The following WDR4 variants were observed in gnomAD, a reference collection of about 807,000 sequenced individuals.
The protein encoded by WDR4 is tRNA (guanine-N(7)-)-methyltransferase non-catalytic subunit WDR4.
WDR4 carries 47 observed loss-of-function variants against 48.6 expected under a neutral mutation model. The ratio of observed to expected loss-of-function variants is 0.97; its 90% CI spans 0.77 to 1.23. The LOEUF is 1.23. Among genes scored for constraint, WDR4 ranks in the 50% most tolerant of loss-of-function variants. WDR4 has a pLI of 0.00. For missense variants in WDR4, 606 were observed against 551.6 expected, an observed-to-expected ratio of 1.10 and a Z score of -0.99; for synonymous variants, 268 against 230.0, an observed-to-expected ratio of 1.17 and a Z score of -1.49.
At chr21:42,857,050 A>G (rs1334064098) in intron 6 of WDR4, among the ~76,000 whole-genome samples, 2 of 152,164 alleles carry the variant, frequency 1.3e-5, no homozygotes, top group Non-Finnish European at 1.5e-5. Context: ...AGGACCTGCC[A>G]AAGACCAAAC....
Position 42,877,009 on chromosome 21 carries a change from G to A in WDR4, c.90-242C>T, listed in dbSNP as rs150856973. On this transcript the variant is annotated intron_variant, in intron 1 of 10. Coordinates refer to ENST00000398208, the MANE Select transcript of WDR4 (RefSeq NM_018669.6). ...AATTTTTACTTTTTGTAGAAACGGG[G>A]TTTCTCCATGTTGATCAGGGTGATC... Among the ~76,000 whole-genome samples, 34 of 151,956 alleles carry A rather than the reference G, an allele frequency of 2.2e-4. No individual in the cohort carries two copies. In the East Asian group the frequency reaches 5.0e-3, roughly 23 times the overall value.
chr21:42,850,068 T>C lies in WDR4; in HGVS notation c.1220A>G (p.Glu407Gly), dbSNP rs761487074. 3.1e-6 allele frequency: 5 copies of C among 1,613,692 alleles called. No individual in the cohort carries two copies. The highest frequency in any genetic ancestry group is 4.2e-6 in the Non-Finnish European group (5 of 1,179,886). ...CCACGATCAGCAACTTAGCGTCGCC[T>C]CCCCCGGTCTCATCTTCTTGGCATG... ...DGHAKKMRPG[E>G]ATLSC The change falls in exon 11 of 11, where the codon GAG becomes GGG. Residue 407 changes from glutamate (E) to glycine (G), a missense_variant. Physicochemically the swap from Glu to Gly is moderately conservative, Grantham distance 98. Transcript: ENST00000398208.
chr21:42,849,344 A>T lies in WDR4; in HGVS notation c.*705T>A, dbSNP rs2057758339. On this transcript the variant is annotated 3_prime_UTR_variant, in exon 11 of 11. Coordinates refer to ENST00000398208, the MANE Select transcript of WDR4 (RefSeq NM_018669.6). ...CCCTGTGGCTCTGCAGTGTGTGCCA[A>T]GGTCAAATCAAATCATAACGACGTC... The T allele has an allele frequency of 6.6e-6, 1 of 152,226 alleles. No individual in the cohort carries two copies. Among genetic ancestry groups the T allele is most frequent in the African/African-American group, 2.4e-5 (1 of 41,410 alleles). 9.4% of individuals were successfully genotyped at this position (152,226 alleles called of 1,614,324 possible). A position where few individuals can be genotyped will look rare whatever the true frequency, so the allele number is the denominator to read the frequency against.
Position 42,862,290 on chromosome 21 carries a change from C to T in WDR4, c.558G>A (p.Gly186=). ...APHSIESFCL[G]HTEFVSRISV... Reference sequence around the variant, plus strand: ...CAGGAAGGGGCACTCACTCTGTGTGCCCCAAGCAGAAGGACTCGATGCTAT... The same window carrying T: ...CAGGAAGGGGCACTCACTCTGTGTGTCCCAAGCAGAAGGACTCGATGCTAT... The change falls in exon 5 of 11, where the codon GGG becomes GGA. Residue 186 remains glycine (G), a synonymous_variant. Coordinates refer to ENST00000398208, the MANE Select transcript of WDR4 (RefSeq NM_018669.6). The surrounding 1 kb of genome is among the most constrained non-coding windows in gnomAD (Gnocchi z 4.3). The T allele has an allele frequency of 1.9e-6, 3 of 1,607,312 alleles. No homozygotes were observed. The highest frequency in any genetic ancestry group is 2.5e-6 in the Non-Finnish European group (3 of 1,177,564).
At chr21:42,847,617 G>A (rs369246478), downstream of WDR4, among the ~76,000 whole-genome samples, 57 of 152,326 alleles carry the variant, frequency 3.7e-4, no homozygotes, top group Middle Eastern at 3.4e-3. Flanking sequence ...CTCTGCAGCC[G>A]TAGCACAAAG....
In WDR4 at chr21:42,879,447, G is replaced by C; in HGVS notation, c.49C>G (p.Arg17Gly). The C allele has an allele frequency of 1.2e-6, 2 of 1,613,536 alleles. No homozygotes were observed. Among genetic ancestry groups the C allele is most frequent in the South Asian group, 2.2e-5 (2 of 91,058 alleles). ...LALCGQTLVV[R>G]GGSRFLATSI... is the part of the protein sequence containing the mutation. ...GTGGCCAGGAATCGGCTGCCGCCCC[G>C]CACCACCAACGTCTGCCCGCACAAC... is the stretch of plus-strand genomic sequence containing the variant. Residue 17 changes from arginine to glycine, a missense_variant, in exon 1 of 11, where the codon CGG becomes GGG. Coordinates refer to ENST00000398208, the MANE Select transcript of WDR4 (RefSeq NM_018669.6).
chr21:42,866,351 C>T (rs1228957281), intron 3 of WDR4, among the ~76,000 whole-genome samples: 3 of 152,186 alleles, frequency 2.0e-5, no homozygotes, highest in Non-Finnish European at 4.4e-5. Context: ...CCAGCAGCAG[C>T]ACAGTAACAA....
rs1356548478 is a variant in WDR4 at position 42,853,582 on chromosome 21, C to T, written c.962G>A (p.Gly321Asp). The change falls in exon 9 of 11, where the codon GGC (glycine) becomes GAC (aspartate). Residue 321 changes from glycine to aspartate, a missense_variant. Physicochemically the swap from Gly to Asp is moderately conservative, Grantham distance 94. Coordinates refer to ENST00000398208, the MANE Select transcript of WDR4 (RefSeq NM_018669.6). ...EAPLVLYRPV[G>D]DQWQSVPEST... ...GCCGAGTCTCACCTGCCACTGGTCG[C>T]CCACAGGCCTGTAGAGCACCAGGGG... 6.2e-7 allele frequency: 1 copy of T among 1,609,994 alleles called. No homozygotes were observed. The highest frequency in any genetic ancestry group is 8.5e-7 in the Non-Finnish European group (1 of 1,178,604).
chr21:42,869,881 T>C (rs1475032495), intron 3 of WDR4, among the ~76,000 whole-genome samples: 2 of 151,404 alleles, frequency 1.3e-5, no homozygotes, highest in African/African-American at 2.4e-5. Flanking sequence ...GTCGTGGTGG[T>C]GCATGCCTGT....
chr21:42,846,390 C>CA (rs2057711590), downstream of WDR4, among the ~76,000 whole-genome samples: 2 of 152,122 alleles, frequency 1.3e-5, no homozygotes, highest in African/African-American at 4.8e-5. Flanking sequence ...GCCAGCATGC[C>CA]TGTGCAGTGC....
the WDR4 span, among the ~76,000 whole-genome samples, chr21:42,886,404 C>T: frequency 2.0e-5 from 3 of 152,046 alleles, no homozygotes; most frequent in Non-Finnish European, 4.4e-5. Flanking sequence ...AAAAAATAGG[C>T]GATTTTGCTA....
upstream of WDR4, chr21:42,883,933 TA>T (rs1226300030): frequency 6.6e-6 from 1 of 152,324 alleles, no homozygotes; most frequent in African/African-American, 2.4e-5. Flanking sequence ...AAATAAATCT[TA>T]AACCCAGTAG....
At chr21:42,872,610 C>CAAA (rs536689165) in intron 3 of WDR4, among the ~76,000 whole-genome samples, 4 of 78,606 alleles carry the variant, frequency 5.1e-5, no homozygotes, top group African/African-American at 1.4e-4. Flanking sequence ...GACCCTTCTC[C>CAAA]AAAAAAAAAA....
At chr21:42,864,550 C>G (rs2058204386) in intron 3 of WDR4, among the ~76,000 whole-genome samples, 1 of 152,162 alleles carries the variant, frequency 6.6e-6, no homozygotes, top group African/African-American at 2.4e-5. Flanking sequence ...GGAGGAAGCT[C>G]GGTTATCCAG....
intron 3 of WDR4, among the ~76,000 whole-genome samples, chr21:42,867,406 A>C (rs1016287814): frequency 6.6e-6 from 1 of 151,846 alleles, no homozygotes; most frequent in Non-Finnish European, 1.5e-5. Flanking sequence ...AAAAAAAAAA[A>C]AAAAAAAGTG....
chr21:42,864,656 G>A (rs1253467872), intron 3 of WDR4, among the ~76,000 whole-genome samples: 2 of 152,148 alleles, frequency 1.3e-5, no homozygotes, highest in Non-Finnish European at 2.9e-5. Flanking sequence ...CAGAGTTCCG[G>A]ATGCAGCACG....
intron 3 of WDR4, among the ~76,000 whole-genome samples, chr21:42,864,861 C>T (rs928195971): frequency 6.6e-6 from 1 of 152,160 alleles, no homozygotes; most frequent in Non-Finnish European, 1.5e-5. Flanking sequence ...GCACAGCTTC[C>T]CACACACGCA....
chr21:42,885,381 C>T, the WDR4 span, among the ~76,000 whole-genome samples: 1 of 152,094 alleles, frequency 6.6e-6, no homozygotes, highest in Non-Finnish European at 1.5e-5. Flanking sequence ...GAAGCCGAGG[C>T]AGGCAGACCA....
chr21:42,855,871 C>G (rs1462055979), intron 6 of WDR4, 91 bp from the exon 7 acceptor site: 2 of 993,804 alleles, frequency 2.0e-6, no homozygotes, highest in East Asian at 5.6e-5. Flanking sequence ...GGTCGGGGTT[C>G]CACTCCGTGA....
Sources: gnomAD v4.1 joint callset for allele counts (sites outside exome capture counted in the v4.1 genomes callset) on GRCh38, gnomAD v4.1.1 for gene constraint, Gnocchi (gnomAD v3.1) non-coding constraint, MANE v1.5 for transcripts, NCBI Gene and HGNC (gene_info 2026-07-23, HGNC 2026-07-21) for gene names.